The following GLI3 variants were observed in gnomAD, a reference collection of about 807,000 sequenced individuals.
The protein encoded by GLI3 is GLI family zinc finger 3.
A neutral mutation model predicts 100.8 loss-of-function variants in GLI3; 20 were observed. The ratio of observed to expected loss-of-function variants is 0.20; its 90% CI spans 0.14 to 0.29. GLI3 has a LOEUF of 0.29. Ranked by LOEUF, GLI3 falls within the 10% of genes least tolerant of loss-of-function variation. GLI3 has a pLI of 1.00. For missense variants in GLI3, 2,040 were observed against 2,128.5 expected, an observed-to-expected ratio of 0.96 and a Z score of 0.82; for synonymous variants, 938 against 860.5, an observed-to-expected ratio of 1.09 and a Z score of -1.58.
At chr7:42,205,435 A>T (rs1046657410) in intron 2 of GLI3, among the ~76,000 whole-genome samples, 1 of 152,002 alleles carries the variant, frequency 6.6e-6, no homozygotes, top group Non-Finnish European at 1.5e-5. Context: ...GCCTCAACCC[A>T]CTCCTAATCC....
At chr7:42,255,382 G>T (rs1789075275) in intron 1 of GLI3, among the ~76,000 whole-genome samples, 1 of 152,044 alleles carries the variant, frequency 6.6e-6, no homozygotes, top group Non-Finnish European at 1.5e-5. Flanking sequence ...ATTTAATAAT[G>T]TTTAGTAGAT....
intron 2 of GLI3, among the ~76,000 whole-genome samples, chr7:42,184,078 G>A (rs903381782): frequency 1.8e-4 from 27 of 152,210 alleles, no homozygotes; most frequent in Admixed American, 1.5e-3. Context: ...GATTAGATGC[G>A]TCACTCATGC....
intron 1 of GLI3, among the ~76,000 whole-genome samples, chr7:42,262,545 T>C (rs6961331): frequency 0.44 from 67,585 of 152,006 alleles, 15,132 homozygotes; most frequent in Middle Eastern, 0.57. Context: ...CAGGCCTGAG[T>C]CACTGCATTT....
At chr7:41,976,352 T>C (rs968316965) in intron 12 of GLI3, among the ~76,000 whole-genome samples, 11 of 152,232 alleles carry the variant, frequency 7.2e-5, no homozygotes, top group African/African-American at 2.7e-4. Flanking sequence ...GGTATATATA[T>C]GAACTTACAT....
intron 1 of GLI3, among the ~76,000 whole-genome samples, chr7:42,257,705 C>T (rs1300268089): frequency 6.6e-6 from 1 of 151,920 alleles, no homozygotes; most frequent in Non-Finnish European, 1.5e-5. Context: ...TTCCCTTTAT[C>T]AGAATCTATA....
At chr7:41,995,488 A>G (rs1788100538) in intron 10 of GLI3, among the ~76,000 whole-genome samples, 1 of 152,022 alleles carries the variant, frequency 6.6e-6, no homozygotes, top group Non-Finnish European at 1.5e-5. Context: ...TGATGTTCAG[A>G]GGGGTTCAGA....
At chr7:42,169,366 T>G (rs1255451701) in intron 2 of GLI3, among the ~76,000 whole-genome samples, 1 of 152,124 alleles carries the variant, frequency 6.6e-6, no homozygotes, top group Non-Finnish European at 1.5e-5. Flanking sequence ...ATGTGCAATA[T>G]GAAAATGAAA....
intron 4 of GLI3, among the ~76,000 whole-genome samples, chr7:42,064,967 C>T (rs1321183366): frequency 2.0e-5 from 3 of 152,164 alleles, no homozygotes; most frequent in African/African-American, 2.4e-5. Flanking sequence ...CAAGAAGCCT[C>T]GTTCAAGCCA....
rs562273372 is a variant in GLI3, at chr7:42,100,634, T to C, written c.368-23777A>G. Among the ~76,000 whole-genome samples the C allele has an allele frequency of 3.3e-5, 5 of 151,522 alleles. No individual in the cohort carries two copies. In the South Asian group the frequency reaches 1.0e-3, roughly 32 times the overall value. ...GTGCACGCCTGTAGTCCCACCTACT[T>C]GGGAGGCTGAGGTGGCAGGATCACT... On this transcript the variant is annotated intron_variant, in intron 3 of 14. Transcript: ENST00000395925.
intron 2 of GLI3, chr7:42,151,627 C>T (rs531097476): frequency 4.6e-5 from 7 of 152,330 alleles, no homozygotes; most frequent in Admixed American, 1.3e-4. Flanking sequence ...CAACTGTTCC[C>T]GCTTCTCTAT....
intron 13 of GLI3, among the ~76,000 whole-genome samples, chr7:41,970,842 G>A (rs1166034560): frequency 3.3e-5 from 5 of 152,070 alleles, no homozygotes; most frequent in East Asian, 1.9e-4. Context: ...AGGATAAACC[G>A]TTGAATGTTC....
At chr7:42,188,018 A>AAAAAAAAAG (rs1787753974) in intron 2 of GLI3, among the ~76,000 whole-genome samples, 1 of 151,140 alleles carries the variant, frequency 6.6e-6, no homozygotes, top group Non-Finnish European at 1.5e-5. Flanking sequence ...AAAAAAAAAA[A>AAAAAAAAAG]TAGGCCAGCA....
In GLI3 at chr7:42,026,208, C is replaced by A; in HGVS notation, c.1233G>T (p.Glu411Asp). The A allele has an allele frequency of 6.2e-7, 1 of 1,612,070 alleles. No homozygotes were observed. The highest frequency in any genetic ancestry group is 8.5e-7 in the Non-Finnish European group (1 of 1,178,944). The stretch of plus-strand genomic sequence containing the variant: ...GACCTGTCCCTCTCACCTGTGAGGA[C>A]TCAGAAGGGCCGGAGCTGACCTGGA... ...NPVQVSSGPS[E>D]SSQNKPTSES... Residue 411 changes from glutamate to aspartate, a missense_variant, in exon 8 of 15, where the codon GAG (glutamate) becomes GAT (aspartate). By Grantham distance (45) the Glu-to-Asp change is conservative. Coordinates refer to ENST00000395925, the MANE Select transcript of GLI3 (RefSeq NM_000168.6).
chr7:41,969,124 C>T (rs1215722002), intron 13 of GLI3, among the ~76,000 whole-genome samples: 1 of 152,164 alleles, frequency 6.6e-6, no homozygotes, highest in Non-Finnish European at 1.5e-5. Context: ...CCAGCGGTGT[C>T]CTGGTTGATA....
intron 3 of GLI3, among the ~76,000 whole-genome samples, chr7:42,118,825 G>A (rs552239112): frequency 1.3e-5 from 2 of 152,258 alleles, no homozygotes; most frequent in African/African-American, 4.8e-5. Flanking sequence ...AGCTCCTAAC[G>A]TACATGGGAT....
intron 6 of GLI3, among the ~76,000 whole-genome samples, chr7:42,043,035 C>T (rs1270716715): frequency 1.3e-5 from 2 of 152,136 alleles, no homozygotes; most frequent in Non-Finnish European, 2.9e-5. Context: ...CAGGTGCTTA[C>T]CTGAACCCAG....
chr7:42,025,468 C>T lies in GLI3; in HGVS notation c.1243-91G>A, dbSNP rs189446179. 652 of 909,178 alleles carry T rather than the reference C, an allele frequency of 7.2e-4. 6 individuals carry two copies. In the African/African-American group the frequency reaches 7.6e-3, roughly 11 times the overall value. The allele number at this position is 909,178 out of a possible 1,614,324, so 56.3% of individuals were successfully genotyped here. On this transcript the variant is annotated intron_variant, in intron 8 of 14. Transcript: ENST00000395925. ...TAAAACCTTGCCAACTCGGGACAAGCGGTCTTATTTGGCTATAAAGCAATG... is the reference window on the plus strand; with the variant it reads ...TAAAACCTTGCCAACTCGGGACAAGTGGTCTTATTTGGCTATAAAGCAATG...
intron 10 of GLI3, among the ~76,000 whole-genome samples, chr7:42,016,116 A>T (rs1416872587): frequency 6.6e-6 from 1 of 152,176 alleles, no homozygotes. Flanking sequence ...TGCCCAGGAC[A>T]ACCCCCAACG....
intron 2 of GLI3, among the ~76,000 whole-genome samples, chr7:42,170,579 T>C (rs1170967328): frequency 6.6e-6 from 1 of 151,694 alleles, no homozygotes; most frequent in African/African-American, 2.4e-5. Flanking sequence ...ATTTTTTGTA[T>C]TTGTAATAGG....
Sources: allele counts gnomAD v4.1 joint callset (sites outside exome capture counted in the v4.1 genomes callset), GRCh38; gene constraint gnomAD v4.1.1; transcripts MANE v1.5; gene names NCBI Gene and HGNC (gene_info 2026-07-23, HGNC 2026-07-21).